CSMD1: variants seen among roughly 807,000 people sequenced by gnomAD.
The protein encoded by CSMD1 is CUB and sushi domain-containing protein 1.
A neutral mutation model predicts 417.5 loss-of-function variants in CSMD1; 213 were observed. That is an observed-to-expected ratio of 0.51 (90% CI 0.46 to 0.57). The LOEUF is 0.57. CSMD1 is among the 20% of genes least tolerant of loss of function. The pLI, the probability that CSMD1 is intolerant of heterozygous loss-of-function variation, is 0.00. For missense variants in CSMD1, 6,923 were observed against 4,529.7 expected, an observed-to-expected ratio of 1.53 and a Z score of -15.17; for synonymous variants, 2,862 against 1,736.8, an observed-to-expected ratio of 1.65 and a Z score of -16.11.
At chr8:4,013,738 G>C (rs988254316) in intron 4 of CSMD1, among the ~76,000 whole-genome samples, 1 of 152,184 alleles carries the variant, frequency 6.6e-6, no homozygotes, top group African/African-American at 2.4e-5. Flanking sequence ...GCGAACTATA[G>C]CTTGTGGGTT....
At chr8:3,497,752 C>G (rs1036127008) in intron 10 of CSMD1, among the ~76,000 whole-genome samples, 1 of 152,184 alleles carries the variant, frequency 6.6e-6, no homozygotes, top group Non-Finnish European at 1.5e-5. Context: ...TATATTGTCA[C>G]TTGGTTATTT....
chr8:3,330,927 CATCTT>C (rs1257409586), intron 23 of CSMD1, among the ~76,000 whole-genome samples: 1 of 152,094 alleles, frequency 6.6e-6, no homozygotes, highest in African/African-American at 2.4e-5. Flanking sequence ...TGAGAGATGA[CATCTT>C]AAATAAAATA....
intron 3 of CSMD1, among the ~76,000 whole-genome samples, chr8:4,331,641 T>G (rs1281607860): frequency 1.3e-5 from 2 of 152,138 alleles, no homozygotes; most frequent in African/African-American, 4.8e-5. Context: ...GCCTCAGTCA[T>G]AATCAATAAA....
intron 1 of CSMD1, among the ~76,000 whole-genome samples, chr8:4,652,445 C>T (rs1352194328): frequency 1.3e-5 from 2 of 151,972 alleles, no homozygotes; most frequent in African/African-American, 2.4e-5. Flanking sequence ...AAGAGACAAG[C>T]GGGGTCAGTG....
chr8:3,170,740 T>C (rs1163042567), intron 37 of CSMD1, among the ~76,000 whole-genome samples: 1 of 152,226 alleles, frequency 6.6e-6, no homozygotes, highest in Non-Finnish European at 1.5e-5. Flanking sequence ...TTGTTCACAC[T>C]TTAAAATAGT....
chr8:4,850,392 T>G (rs1385859821), intron 1 of CSMD1, among the ~76,000 whole-genome samples: 3 of 149,598 alleles, frequency 2.0e-5, no homozygotes, highest in African/African-American at 7.4e-5. Flanking sequence ...CTTTTTTTTT[T>G]TTTTTTTTTT....
chr8:4,739,396 G>C (rs938704696), intron 1 of CSMD1, among the ~76,000 whole-genome samples: 3 of 152,120 alleles, frequency 2.0e-5, no homozygotes, highest in African/African-American at 7.2e-5. Flanking sequence ...TCCCTATTTA[G>C]TGGCCTTATA....
chr8:4,126,330 G>A (rs1348576527), intron 3 of CSMD1, among the ~76,000 whole-genome samples: 1 of 152,180 alleles, frequency 6.6e-6, no homozygotes, highest in South Asian at 2.1e-4. Flanking sequence ...TGGGCAGGGG[G>A]CAAGGTGAAC....
chr8:4,811,676 T>C (rs936388256), intron 1 of CSMD1, among the ~76,000 whole-genome samples: 19 of 152,140 alleles, frequency 1.2e-4, no homozygotes, highest in African/African-American at 4.1e-4. Flanking sequence ...TGATTTCTAT[T>C]GGCTCATTGA....
intron 1 of CSMD1, among the ~76,000 whole-genome samples, chr8:4,902,378 A>C (rs1218109138): frequency 1.3e-5 from 2 of 151,280 alleles, no homozygotes; most frequent in African/African-American, 4.8e-5. Flanking sequence ...TGAAGACTGC[A>C]GTGACCCATG....
intron 1 of CSMD1, among the ~76,000 whole-genome samples, chr8:4,714,577 T>G (rs998104288): frequency 6.6e-6 from 1 of 152,152 alleles, no homozygotes; most frequent in Non-Finnish European, 1.5e-5. Context: ...CCCAAGTTCA[T>G]AGGGTTATTG....
chr8:4,181,957 CGTGT>C (rs146690880), intron 3 of CSMD1, among the ~76,000 whole-genome samples: 1 of 150,022 alleles, frequency 6.7e-6, no homozygotes, highest in Non-Finnish European at 1.5e-5. Flanking sequence ...TCTGTGTCTG[CGTGT>C]GTGTGTGTGT....
intron 10 of CSMD1, among the ~76,000 whole-genome samples, chr8:3,553,556 C>G (rs887566842): frequency 6.6e-6 from 1 of 152,166 alleles, no homozygotes; most frequent in African/African-American, 2.4e-5. Context: ...CTTGGAATAT[C>G]CAACAATTAC....
intron 3 of CSMD1, among the ~76,000 whole-genome samples, chr8:4,206,176 T>A (rs557589140): frequency 6.6e-6 from 1 of 152,058 alleles, no homozygotes. Flanking sequence ...TGGAAATACA[T>A]GCTGAAAAAT....
intron 12 of CSMD1, among the ~76,000 whole-genome samples, chr8:3,450,758 A>C (rs1455624828): frequency 6.6e-6 from 1 of 152,080 alleles, no homozygotes; most frequent in Non-Finnish European, 1.5e-5. Flanking sequence ...TATTGTGAAT[A>C]GTGCCACAGT....
chr8:3,923,344 G>C (rs528847961), intron 5 of CSMD1, among the ~76,000 whole-genome samples: 1 of 152,124 alleles, frequency 6.6e-6, no homozygotes, highest in African/African-American at 2.4e-5. Flanking sequence ...ATCCACATAC[G>C]TATATTTTTT....
intron 41 of CSMD1, among the ~76,000 whole-genome samples, chr8:3,122,888 T>A (rs1817288957): frequency 6.6e-6 from 1 of 152,156 alleles, no homozygotes; most frequent in South Asian, 2.1e-4. Context: ...TACAATAGTG[T>A]TTCTCAGTTG....
At chr8:4,043,943 T>C (rs7841379) in intron 3 of CSMD1, among the ~76,000 whole-genome samples, 41,788 of 151,962 alleles carry the variant, frequency 0.27, 5,899 homozygotes, top group African/African-American at 0.31. Flanking sequence ...CCACACCATA[T>C]TGTCCCAATT....
At chr8:3,867,266 A>G (rs1805169017) in intron 5 of CSMD1, among the ~76,000 whole-genome samples, 1 of 152,184 alleles carries the variant, frequency 6.6e-6, no homozygotes, top group Admixed American at 6.5e-5. Flanking sequence ...GCAAGACCAT[A>G]CCATTACATA....
Sources: allele counts gnomAD v4.1 joint callset (sites outside exome capture counted in the v4.1 genomes callset), GRCh38; gene constraint gnomAD v4.1.1; transcripts MANE v1.5; gene names NCBI Gene and HGNC (gene_info 2026-07-23, HGNC 2026-07-21).